Variants in HSPA14 observed in about 807,000 individuals in gnomAD.
HSPA14 encodes heat shock protein family A (Hsp70) member 14.
Under a neutral mutation model 65.5 loss-of-function variants are expected in HSPA14, and 37 were observed. The observed-to-expected ratio is 0.56, with a 90% confidence interval of 0.43 to 0.74. The LOEUF (loss-of-function observed/expected upper bound fraction) is 0.74, where lower values mean the gene tolerates loss of function less well. Among genes scored for constraint, HSPA14 ranks in the 30% least tolerant of loss-of-function variants. The pLI, the probability that HSPA14 is intolerant of heterozygous loss-of-function variation, is 0.00. For synonymous variants in HSPA14, 203 were observed against 214.2 expected (o/e 0.95, Z 0.46); for missense variants, 564 against 607.6 (o/e 0.93, Z 0.75).
rs553981688 is a variant in HSPA14, at chr10:14,842,670, A to G, written c.221+2513A>G. On this transcript the variant is annotated intron_variant, in intron 3 of 13. Transcript: ENST00000378372. The surrounding 1 kb of genome is among the most constrained non-coding windows in gnomAD (Gnocchi z 5.2). ...TGTGATCAGAACTTAGTGGCCTCTG[A>G]CGCCCCAGGGGAAGAGGGAACCGGC... The G allele has an allele frequency of 1.3e-6, 2 of 1,536,282 alleles. No individual in the cohort carries two copies. The highest frequency in any genetic ancestry group is 4.9e-5 in the East Asian group (2 of 40,920).
At chr10:14,869,911 C>A (rs1376769143) in intron 12 of HSPA14, among the ~76,000 whole-genome samples, 2 of 152,180 alleles carry the variant, frequency 1.3e-5, no homozygotes, top group Admixed American at 6.5e-5. Context: ...CCACGTAATA[C>A]TGAATTTGGA....
chr10:14,865,276 T>C (rs1411624774), intron 10 of HSPA14, among the ~76,000 whole-genome samples: 1 of 152,102 alleles, frequency 6.6e-6, no homozygotes, highest in Non-Finnish European at 1.5e-5. Flanking sequence ...GTAGGTTGCC[T>C]GTTCACTCTG....
At position 14,848,653 on chromosome 10, in the gene HSPA14, G is replaced by A. The variant is rs1415719311; in HGVS notation, c.266G>A (p.Cys89Tyr). 6.2e-7 allele frequency: 1 copy of A among 1,609,794 alleles called. No homozygotes were observed. Among genetic ancestry groups the A allele is most frequent in the East Asian group, 2.2e-5 (1 of 44,736 alleles). Reference sequence around the variant, plus strand: ...CAGAAATACATCGCGGAAAGTAAATGTTTAGTGAGTATGGTTCTGTTATTG... The same window carrying A: ...CAGAAATACATCGCGGAAAGTAAATATTTAGTGAGTATGGTTCTGTTATTG... ...QAQKYIAESK[C>Y]LVIEKNGKLR... Residue 89 changes from cysteine to tyrosine, a missense_variant, in exon 4 of 14, where the codon TGT (cysteine) becomes TAT (tyrosine). Transcript: ENST00000378372.
chr10:14,845,635 C>A, intron 3 of HSPA14: 1 of 744,550 alleles, frequency 1.3e-6, no homozygotes, highest in Non-Finnish European at 1.6e-6. Context: ...ACTGTTTTGC[C>A]CAGGCTGGGG....
In HSPA14 at chr10:14,867,858, CTA is replaced by C. The variant is rs1832820633; in HGVS notation, c.1331_1332del (p.Tyr444Ter). On this transcript the variant is annotated frameshift_variant, in exon 12 of 14. Transcript: ENST00000378372. LOFTEE classifies it high-confidence loss of function. ...GCATATCTTCAGTGTGCCTTGAACT[CTA>C]TGAGTCTGATGGGAAGAACTCTGCC... ...GSISSVCLELYESDGKNSAKE... is the reference protein window; with the variant it reads ...GSISSVCLELXESDGKNSAKE... The C allele has an allele frequency of 1.2e-6, 2 of 1,613,920 alleles. No homozygotes were observed. Among genetic ancestry groups the C allele is most frequent in the East Asian group, 2.2e-5 (1 of 44,882 alleles).
chr10:14,838,612 A>C, intron 1 of HSPA14, 153 bp downstream of exon 1: 1 of 702,998 alleles, frequency 1.4e-6, no homozygotes, highest in Non-Finnish European at 2.2e-6. Context: ...AGGGCCGGGC[A>C]GGCCCGGCCT....
At chr10:14,855,691 C>T (rs1420019151) in intron 9 of HSPA14, 150 bp from the exon 10 acceptor site, 3 of 555,916 alleles carry the variant, frequency 5.4e-6, no homozygotes, top group East Asian at 2.9e-5. Flanking sequence ...TTATGGTAAA[C>T]CTGTCATTCA....
chr10:14,840,332 T>A (rs1014801770), intron 3 of HSPA14, among the ~76,000 whole-genome samples, 175 bp downstream of exon 3: 1 of 152,216 alleles, frequency 6.6e-6, no homozygotes, highest in African/African-American at 2.4e-5. Context: ...TAGTGTTGGA[T>A]CTTCTCTGAT....
chr10:14,857,325 C>T (rs1832711443), intron 10 of HSPA14, among the ~76,000 whole-genome samples: 1 of 152,042 alleles, frequency 6.6e-6, no homozygotes, highest in African/African-American at 2.4e-5. Flanking sequence ...ATAAAAATAG[C>T]TTAAGACTAT....
chr10:14,871,517 T>C lies in HSPA14; in HGVS notation c.1452-11T>C, dbSNP rs1468490715. ...GCTTGTGCAATGTTCTTTATTTTTT[T>C]GTCTGTTTAGGGATGGATCTTTACA... On this transcript the variant is annotated splice_polypyrimidine_tract_variant and intron_variant, in intron 13 of 13. Coordinates refer to ENST00000378372, the MANE Select transcript of HSPA14 (RefSeq NM_016299.4). 3 of 1,520,238 alleles carry C rather than the reference T, an allele frequency of 2.0e-6. No individual in the cohort carries two copies. The highest frequency in any genetic ancestry group is 1.4e-5 in the African/African-American group (1 of 72,016). The allele number at this position is 1,520,238 out of a possible 1,614,324, so 94.2% of individuals were successfully genotyped here. A position where few individuals can be genotyped will look rare whatever the true frequency, so the allele number is the denominator to read the frequency against.
In HSPA14 at chr10:14,842,872, T is replaced by C. The variant is rs1286997715; in HGVS notation, c.221+2715T>C. On this transcript the variant is annotated intron_variant, in intron 3 of 13. Transcript: ENST00000378372. The surrounding 1 kb of genome is among the most constrained non-coding windows in gnomAD (Gnocchi z 5.2). ...GTAACTCCCAAGCATGTGAAGGAGT[T>C]GGGTCCCAGAGTCTTGTGGCTCTAA... 1 of 1,462,048 alleles carries C rather than the reference T, an allele frequency of 6.8e-7. No homozygotes were observed. The highest frequency in any genetic ancestry group is 2.1e-5 in the Admixed American group (1 of 46,910). 90.6% of individuals were successfully genotyped at this position (1,462,048 alleles called of 1,614,324 possible).
rs1295553149 is a variant in HSPA14 at position 14,849,728 on chromosome 10, A to G, written c.384A>G (p.Ala128=). The part of the protein sequence containing the change: ...RLIFSKMKET[A]HSVLGSDAND... ...ATATTTTTTAATATGCAGAAACGGC[A>G]CATTCTGTATTGGGCTCAGATGCAA... is the stretch of plus-strand genomic sequence containing the variant. Residue 128 remains alanine, a synonymous_variant, in exon 6 of 14, where the codon GCA becomes GCG. Transcript: ENST00000378372. 3 of 1,601,038 alleles carry G rather than the reference A, an allele frequency of 1.9e-6. No individual in the cohort carries two copies. The highest frequency in any genetic ancestry group is 1.1e-5 in the South Asian group (1 of 88,332).
chr10:14,838,550 C>G (rs1177319613), intron 1 of HSPA14, 91 bp downstream of exon 1: 1 of 1,297,788 alleles, frequency 7.7e-7, no homozygotes. Context: ...CGGCGTGTCG[C>G]CGGCCTAGGG....
At chr10:14,847,931 C>T (rs544220588) in intron 3 of HSPA14, among the ~76,000 whole-genome samples, 1 of 152,294 alleles carries the variant, frequency 6.6e-6, no homozygotes, top group African/African-American at 2.4e-5. Flanking sequence ...GACCTAGGCT[C>T]ACGTACTGAC....
At chr10:14,855,532 G>A (rs1372891413) in intron 9 of HSPA14, among the ~76,000 whole-genome samples, 1 of 152,146 alleles carries the variant, frequency 6.6e-6, no homozygotes, top group Non-Finnish European at 1.5e-5. Context: ...TGTGTTTTTA[G>A]ATTTGTTATT....
At position 14,849,776 on chromosome 10, in the gene HSPA14, G is replaced by A. The variant is rs749217062; in HGVS notation, c.432G>A (p.Pro144=). The change falls in exon 6 of 14, where the codon CCG becomes CCA. Residue 144 remains proline, a synonymous_variant. Transcript: ENST00000378372. ...SDANDVVITV[P]FDFGEKQKNA... ...CAAATGATGTAGTTATTACTGTCCC[G>A]TTTGATTTTGGAGAAAAGCAAAAAA... 13 of 1,613,238 alleles carry A rather than the reference G, an allele frequency of 8.1e-6. No homozygotes were observed. The East Asian group carries it at 1.3e-4, about 17-fold the overall frequency.
chr10:14,860,713 CAGA>C (rs1832744131), intron 10 of HSPA14, among the ~76,000 whole-genome samples: 1 of 152,080 alleles, frequency 6.6e-6, no homozygotes, highest in Non-Finnish European at 1.5e-5. Context: ...CCCAGATCCC[CAGA>C]AGGAGTGCTC....
chr10:14,856,373 C>A (rs776398885), intron 10 of HSPA14, among the ~76,000 whole-genome samples: 11 of 152,178 alleles, frequency 7.2e-5, no homozygotes, highest in Non-Finnish European at 1.5e-4. Context: ...GTAGCTTCCT[C>A]AAGATCACAC....
At position 14,867,225 on chromosome 10, in the gene HSPA14, T is replaced by A; in HGVS notation, c.1136T>A (p.Ile379Asn). ...GCAGCTATAGAAGCAGGAATTCTTA[T>A]TGGGAAAGAAAACCTGTTGGTGGAA... is the stretch of plus-strand genomic sequence containing the variant. ...IGAAIEAGIL[I>N]GKENLLVEDS... Residue 379 changes from isoleucine to asparagine, a missense_variant, in exon 11 of 14, where the codon ATT becomes AAT. Physicochemically the swap from Ile to Asn is moderately radical, Grantham distance 149 (BLOSUM62 -3). Coordinates refer to ENST00000378372, the MANE Select transcript of HSPA14 (RefSeq NM_016299.4). The A allele has an allele frequency of 1.2e-6, 2 of 1,613,792 alleles. No homozygotes were observed. The highest frequency in any genetic ancestry group is 2.7e-5 in the African/African-American group (2 of 75,040).
Sources: allele counts gnomAD v4.1 joint callset (sites outside exome capture counted in the v4.1 genomes callset), GRCh38; gene constraint gnomAD v4.1.1; non-coding constraint Gnocchi (gnomAD v3.1); transcripts MANE v1.5; gene names NCBI Gene and HGNC (gene_info 2026-07-23, HGNC 2026-07-21).